Variants in DIAPH1 observed in about 807,000 individuals in gnomAD.
The protein encoded by DIAPH1 is protein diaphanous homolog 1.
In DIAPH1, 46 loss-of-function variants were observed where a neutral mutation model predicts 140.7. The observed-to-expected ratio is 0.33, with a 90% CI of 0.26 to 0.42. The LOEUF (loss-of-function observed/expected upper bound fraction) is 0.42. Ranked by LOEUF, DIAPH1 falls within the 10% of genes least tolerant of loss-of-function variation. DIAPH1 has a pLI of 1.00. For missense variants in DIAPH1, 1,310 were observed against 1,558.7 expected (o/e 0.84, Z 2.69); for synonymous variants, 565 against 551.6 (o/e 1.02, Z -0.34).
At chr5:141,538,744 C>T (rs1055250395) in intron 18 of DIAPH1, among the ~76,000 whole-genome samples, 1 of 151,964 alleles carries the variant, frequency 6.6e-6, no homozygotes, top group Admixed American at 6.6e-5. Context: ...ACCTGGCTAA[C>T]ATTTATATTT....
intron 1 of DIAPH1, among the ~76,000 whole-genome samples, chr5:141,604,894 T>A (rs72792324): frequency 0.052 from 7,921 of 152,220 alleles, 296 homozygotes; most frequent in African/African-American, 0.1. Context: ...GGAGGGGAGA[T>A]GAGCATGAAG....
At chr5:141,602,507 G>A (rs750003997) in intron 1 of DIAPH1, among the ~76,000 whole-genome samples, 8 of 152,172 alleles carry the variant, frequency 5.3e-5, no homozygotes, top group Non-Finnish European at 8.8e-5. Flanking sequence ...GAGCCACCAC[G>A]CCTGGCCTTT....
chr5:141,581,903 T>C (rs1562328777), intron 7 of DIAPH1: 1 of 162,762 alleles, frequency 6.1e-6, no homozygotes, highest in Non-Finnish European at 1.3e-5. Flanking sequence ...AAATAAAAAT[T>C]AAAAAAAATA....
chr5:141,618,663 T>G (rs1007995430), intron 1 of DIAPH1, 135 bp downstream of exon 1: 3 of 611,428 alleles, frequency 4.9e-6, no homozygotes, highest in African/African-American at 2.0e-5. Flanking sequence ...GCTGCAGAGC[T>G]GCGGACCGAG....
intron 1 of DIAPH1, among the ~76,000 whole-genome samples, chr5:141,606,339 C>T (rs1596409209): frequency 6.6e-6 from 1 of 152,302 alleles, no homozygotes; most frequent in East Asian, 1.9e-4. Context: ...CAATTATTCA[C>T]TTTAAATGTA....
chr5:141,571,146 G>T (rs749766020), intron 18 of DIAPH1, among the ~76,000 whole-genome samples: 3 of 152,174 alleles, frequency 2.0e-5, no homozygotes, highest in Non-Finnish European at 2.9e-5. Context: ...CAGCACAAAT[G>T]TAAGGTAATA....
chr5:141,585,865 C>A (rs1027461922), intron 3 of DIAPH1, among the ~76,000 whole-genome samples: 3 of 152,114 alleles, frequency 2.0e-5, no homozygotes, highest in Admixed American at 2.0e-4. Context: ...GTGATTTGAA[C>A]AAACTGGTTT....
intron 18 of DIAPH1, among the ~76,000 whole-genome samples, chr5:141,537,483 CAAAAA>C (rs34323841): frequency 6.8e-4 from 25 of 36,968 alleles, no homozygotes; most frequent in African/African-American, 3.0e-3. Flanking sequence ...AACTCCGTCT[CAAAAA>C]AAAAAAAAAA....
At chr5:141,583,741 A>G (rs2099897115) in intron 4 of DIAPH1, 126 bp from the exon 5 acceptor site, 1 of 1,337,832 alleles carries the variant, frequency 7.5e-7, no homozygotes, top group Admixed American at 1.8e-5. Context: ...AGGTCTTACT[A>G]CGTTGCCCAG....
At chr5:141,604,585 C>A (rs2099900644) in intron 1 of DIAPH1, among the ~76,000 whole-genome samples, 1 of 152,178 alleles carries the variant, frequency 6.6e-6, no homozygotes, top group African/African-American at 2.4e-5. Flanking sequence ...ACACCCAAAG[C>A]CTAGCAGACA....
rs371632999 is a variant in DIAPH1, at chr5:141,580,922, G to A, written c.685-39C>T. On this transcript the variant is annotated intron_variant, in intron 7 of 27. Coordinates refer to ENST00000389054, the MANE Select transcript of DIAPH1 (RefSeq NM_005219.5). ...GAACAAAGAAAGGAGGCTGAAAGAC[G>A]AAAGCATCTAACTGGGGGACAAGTT... The A allele has an allele frequency of 2.7e-5, 44 of 1,613,806 alleles. No homozygotes were observed. In the African/African-American group the frequency reaches 4.3e-4, roughly 16 times the overall value.
chr5:141,553,668 G>A (rs1290437931), intron 18 of DIAPH1, among the ~76,000 whole-genome samples: 1 of 150,990 alleles, frequency 6.6e-6, no homozygotes, highest in African/African-American at 2.4e-5. Flanking sequence ...AGAAAACATC[G>A]TCTCAAATGC....
intron 1 of DIAPH1, among the ~76,000 whole-genome samples, chr5:141,606,788 A>T (rs1596409556): frequency 6.6e-6 from 1 of 152,306 alleles, no homozygotes; most frequent in South Asian, 2.1e-4. Context: ...CCAGAGATGA[A>T]TAATAATCTC....
intron 1 of DIAPH1, among the ~76,000 whole-genome samples, chr5:141,607,105 A>G (rs2099901097): frequency 1.3e-5 from 2 of 152,204 alleles, no homozygotes; most frequent in African/African-American, 4.8e-5. Flanking sequence ...GAAACCTTAC[A>G]ATCTAGATGG....
In DIAPH1 at chr5:141,529,155, C is replaced by A. The variant is rs931759472; in HGVS notation, c.2778+17G>T. On this transcript the variant is annotated intron_variant, in intron 21 of 27. Coordinates refer to ENST00000389054, the MANE Select transcript of DIAPH1 (RefSeq NM_005219.5). ...ACAGGAGGTGGAAAACCGCTTACTG[C>A]CACAGGCCTCACTCACCACCACGCC... is the stretch of plus-strand genomic sequence containing the variant. 3.1e-6 allele frequency: 5 copies of A among 1,610,222 alleles called. No homozygotes were observed. The African/African-American group carries it at 4.0e-5, about 13-fold the overall frequency.
rs1179118598 is a variant in DIAPH1, at chr5:141,575,143, C to G, written c.1465G>C (p.Asp489His). ...TCATGTCGGGCTGTTAACTCTGAGT[C>G]CAACTAGAGAAAAAACGAATCAGGC... ...AKAAELEKKL[D>H]SELTARHELQ... The change falls in exon 15 of 28, where the codon GAC (aspartate) becomes CAC (histidine). Residue 489 changes from aspartate (D) to histidine (H), a missense_variant. Physicochemically the swap from Asp to His is moderately conservative, Grantham distance 81. Around this residue, in one of 3 missense-constraint regions of DIAPH1, gnomAD observed 589 missense variants for 549.3 expected, o/e 1.07. Transcript: ENST00000389054. The G allele has an allele frequency of 6.2e-7, 1 of 1,614,124 alleles. No individual in the cohort carries two copies. Among genetic ancestry groups the G allele is most frequent in the Non-Finnish European group, 8.5e-7 (1 of 1,180,014 alleles).
intron 15 of DIAPH1, among the ~76,000 whole-genome samples, chr5:141,574,543 A>G (rs2099895674): frequency 1.3e-5 from 2 of 152,262 alleles, no homozygotes; most frequent in South Asian, 4.1e-4. Context: ...ACAGATGATT[A>G]TATAACCACA....
intron 1 of DIAPH1, among the ~76,000 whole-genome samples, chr5:141,590,678 A>G (rs1176034892): frequency 4.6e-5 from 7 of 152,070 alleles, no homozygotes; most frequent in Admixed American, 3.3e-4. Flanking sequence ...TGTAATGTAG[A>G]TAACAGAACC....
intron 27 of DIAPH1, among the ~76,000 whole-genome samples, chr5:141,517,255 A>G (rs1293625251): frequency 2.6e-5 from 4 of 152,252 alleles, no homozygotes; most frequent in Admixed American, 2.6e-4. Flanking sequence ...GTGTGAAAAC[A>G]GCACAAAAGT....
Sources: allele counts gnomAD v4.1 joint callset (sites outside exome capture counted in the v4.1 genomes callset), GRCh38; gene constraint gnomAD v4.1.1; regional missense constraint gnomAD v4.1.1; transcripts MANE v1.5; gene names NCBI Gene and HGNC (gene_info 2026-07-23, HGNC 2026-07-21).